LRRC69: variants seen among roughly 807,000 people sequenced by gnomAD.
LRRC69 encodes leucine-rich repeat-containing protein 69.
Under a neutral mutation model 37.8 loss-of-function variants are expected in LRRC69, and 42 were observed. That is an observed-to-expected ratio of 1.11 (90% CI 0.87 to 1.44). The LOEUF is 1.44. LRRC69 is among the 40% of genes most tolerant of loss of function. The pLI, the probability that LRRC69 is intolerant of heterozygous loss-of-function variation, is 0.00. For synonymous variants in LRRC69, 141 were observed against 143.1 expected (o/e 0.99, Z 0.11); for missense variants, 357 against 401.9 (o/e 0.89, Z 0.96).
chr8:91,155,480 A>G (rs1808817531), intron 5 of LRRC69, among the ~76,000 whole-genome samples: 1 of 150,930 alleles, frequency 6.6e-6, no homozygotes, highest in Admixed American at 6.6e-5. Context: ...TGTGCTGGAA[A>G]CATTCAACAA....
intron 5 of LRRC69, among the ~76,000 whole-genome samples, chr8:91,180,361 G>A (rs1809303364): frequency 6.6e-6 from 1 of 152,168 alleles, no homozygotes; most frequent in South Asian, 2.1e-4. Flanking sequence ...CTTCTCAACA[G>A]AGCTACCTGA....
intron 1 of LRRC69, among the ~76,000 whole-genome samples, chr8:91,110,097 CA>C (rs1301683755): frequency 1.3e-5 from 2 of 151,972 alleles, no homozygotes; most frequent in Admixed American, 1.3e-4. Flanking sequence ...ATTACCTTTA[CA>C]AAATAGTTTA....
At chr8:91,177,736 G>A (rs1448303606) in intron 5 of LRRC69, among the ~76,000 whole-genome samples, 4 of 152,028 alleles carry the variant, frequency 2.6e-5, no homozygotes, top group African/African-American at 9.7e-5. Flanking sequence ...AAAGTCTGTA[G>A]GTTCTAGCAG....
intron 7 of LRRC69, among the ~76,000 whole-genome samples, chr8:91,203,399 T>A (rs1266131906): frequency 1.3e-5 from 2 of 151,998 alleles, no homozygotes; most frequent in East Asian, 3.9e-4. Flanking sequence ...TCTTTTTTTT[T>A]TTTTCTTTCC....
chr8:91,109,163 C>T (rs945590836), intron 1 of LRRC69, among the ~76,000 whole-genome samples: 4 of 35,876 alleles, frequency 1.1e-4, no homozygotes, highest in African/African-American at 3.1e-4. Context: ...CTCCAGGAAC[C>T]GTTCATGTCT....
At chr8:91,127,108 C>T in exon 3 of LRRC69, 1 of 1,548,026 alleles carries the variant, frequency 6.5e-7, no homozygotes, top group Non-Finnish European at 8.7e-7. Flanking sequence ...AAATTTAATC[C>T]TGCTTAATCT....
At chr8:91,213,402 T>C (rs374593754) in intron 7 of LRRC69, among the ~76,000 whole-genome samples, 1 of 152,186 alleles carries the variant, frequency 6.6e-6, no homozygotes, top group Non-Finnish European at 1.5e-5. Flanking sequence ...ATGGTTACCC[T>C]TGCTAAATGG....
chr8:91,187,453 T>A (rs977265035), intron 5 of LRRC69, among the ~76,000 whole-genome samples: 6 of 152,188 alleles, frequency 3.9e-5, no homozygotes, highest in Non-Finnish European at 7.3e-5. Context: ...GCTCATTCTT[T>A]TACTTTCTGA....
intron 6 of LRRC69, among the ~76,000 whole-genome samples, chr8:91,189,894 C>G (rs1481794894): frequency 1.3e-5 from 2 of 152,018 alleles, no homozygotes; most frequent in East Asian, 1.9e-4. Context: ...TCACTTTAGC[C>G]TTTTCAGTGT....
exon 1 of LRRC69, chr8:91,102,801 A>T (rs1280534923): frequency 3.9e-6 from 6 of 1,551,582 alleles, no homozygotes; most frequent in Non-Finnish European, 5.2e-6. Context: ...CTTCAGAATA[A>T]CCTAATCCCC....
In LRRC69 at chr8:91,140,919, C is replaced by A. The variant is rs1808521053; in HGVS notation, c.651+5180C>A. Among the ~76,000 whole-genome samples, 8 of 19,282 alleles carry A rather than the reference C, an allele frequency of 4.1e-4. 1 individual carries two copies. Among genetic ancestry groups the A allele is most frequent in the Non-Finnish European group, 7.3e-4 (5 of 6,832 alleles). The allele number at this position is 19,282 out of a possible 152,430, so 12.6% of individuals were successfully genotyped here. On this transcript the variant is annotated intron_variant, in intron 5 of 7. Coordinates refer to ENST00000448384, the Ensembl canonical transcript of LRRC69. ...CCGCCCGCCTCGGCCTCCCAAAGTG[C>A]TGGGATTACAGGCGTGAGCCACCGC...
intron 5 of LRRC69, among the ~76,000 whole-genome samples, chr8:91,186,273 T>C (rs1809406275): frequency 6.6e-6 from 1 of 152,198 alleles, no homozygotes; most frequent in African/African-American, 2.4e-5. Flanking sequence ...TAGATGAAGA[T>C]AGACTTTTCA....
chr8:91,162,408 A>G (rs1186861366), intron 5 of LRRC69, among the ~76,000 whole-genome samples: 1 of 151,358 alleles, frequency 6.6e-6, no homozygotes, highest in African/African-American at 2.4e-5. Context: ...TTCTACTGAT[A>G]CTTGCTTTAT....
intron 5 of LRRC69, among the ~76,000 whole-genome samples, chr8:91,154,037 C>G (rs1208947044): frequency 6.6e-6 from 1 of 151,692 alleles, no homozygotes; most frequent in Non-Finnish European, 1.5e-5. Flanking sequence ...GGGCATATCA[C>G]CACTGACCCC....
intron 5 of LRRC69, among the ~76,000 whole-genome samples, chr8:91,149,398 T>C (rs992679518): frequency 6.6e-6 from 1 of 152,012 alleles, no homozygotes; most frequent in Non-Finnish European, 1.5e-5. Context: ...TGGTTGTACA[T>C]ATGCGGCATT....
intron 5 of LRRC69, among the ~76,000 whole-genome samples, chr8:91,167,633 C>T (rs1161819469): frequency 2.6e-5 from 4 of 151,944 alleles, no homozygotes; most frequent in African/African-American, 9.7e-5. Flanking sequence ...GGCGCCAGAG[C>T]GGAACCCTCG....
intron 5 of LRRC69, among the ~76,000 whole-genome samples, chr8:91,176,476 G>A (rs1809232291): frequency 6.6e-6 from 1 of 151,888 alleles, no homozygotes. Flanking sequence ...ATGTATTAGG[G>A]TCTGCCAGAG....
intron 5 of LRRC69, among the ~76,000 whole-genome samples, chr8:91,160,442 T>C (rs1377108725): frequency 6.6e-6 from 1 of 151,200 alleles, no homozygotes; most frequent in African/African-American, 2.4e-5. Context: ...GGTTTGGCTC[T>C]GTGTCCCCAC....
chr8:91,130,052 C>A (rs1166078313), intron 3 of LRRC69, among the ~76,000 whole-genome samples: 17 of 151,884 alleles, frequency 1.1e-4, no homozygotes, highest in Admixed American at 9.9e-4. Flanking sequence ...TTTCTTCAGC[C>A]CAGAAATTTC....
Sources: gnomAD v4.1 joint callset for allele counts (sites outside exome capture counted in the v4.1 genomes callset) on GRCh38, gnomAD v4.1.1 for gene constraint, MANE v1.5 for transcripts, NCBI Gene and HGNC (gene_info 2026-07-23, HGNC 2026-07-21) for gene names.